The following CCDC85A variants were observed in gnomAD, a reference collection of about 807,000 sequenced individuals.
CCDC85A encodes the protein coiled-coil domain-containing protein 85A.
Under a neutral mutation model 50.2 loss-of-function variants are expected in CCDC85A, and 38 were observed. The ratio of observed to expected loss-of-function variants is 0.76; its 90% confidence interval spans 0.58 to 0.99. The LOEUF is 0.99. Among genes scored for constraint, CCDC85A ranks in the 50% least tolerant of loss-of-function variants. The pLI is 0.00. For missense variants in CCDC85A, 820 were observed against 742.0 expected, an observed-to-expected ratio of 1.11 and a Z score of -1.22; for synonymous variants, 366 against 301.4, an observed-to-expected ratio of 1.21 and a Z score of -2.22.
At chr2:56,297,988 G>T (rs1223900741) in intron 2 of CCDC85A, among the ~76,000 whole-genome samples, 1 of 152,154 alleles carries the variant, frequency 6.6e-6, no homozygotes, top group Non-Finnish European at 1.5e-5. Flanking sequence ...AATGGTTACA[G>T]CTATGATTCC....
chr2:56,200,029 T>C (rs1254827388), intron 2 of CCDC85A, among the ~76,000 whole-genome samples: 4 of 152,124 alleles, frequency 2.6e-5, no homozygotes, highest in African/African-American at 9.7e-5. Context: ...CCACCACGCC[T>C]AGCTAATTTT....
At position 56,376,027 on chromosome 2, in the gene CCDC85A, C is replaced by G; in HGVS notation, c.1572+92C>G. ...AGTAGTCCTCACAGTCTTGCTTGAA[C>G]CATAGATATTTTATTTTTTGACTCC... On this transcript the variant is annotated intron_variant, in intron 5 of 5. Coordinates refer to ENST00000407595, the MANE Select transcript of CCDC85A (RefSeq NM_001080433.2). 4 of 1,339,056 alleles carry G rather than the reference C, an allele frequency of 3.0e-6. No homozygotes were observed. In the South Asian group the frequency reaches 5.3e-5, roughly 18 times the overall value. The allele number at this position is 1,339,056 out of a possible 1,614,324, so 82.9% of individuals were successfully genotyped here.
intron 2 of CCDC85A, among the ~76,000 whole-genome samples, chr2:56,271,838 C>T (rs761077070): frequency 1.1e-4 from 16 of 152,044 alleles, no homozygotes; most frequent in Admixed American, 9.8e-4. Context: ...CTTGGCTAGT[C>T]GTATCAGTAG....
At chr2:56,321,360 T>A (rs925488326) in intron 2 of CCDC85A, among the ~76,000 whole-genome samples, 4 of 152,212 alleles carry the variant, frequency 2.6e-5, no homozygotes, top group African/African-American at 9.6e-5. Context: ...TGTCCCTGTT[T>A]GCAGATGACG....
chr2:56,274,667 A>T (rs1281760760), intron 2 of CCDC85A, among the ~76,000 whole-genome samples: 2 of 152,204 alleles, frequency 1.3e-5, no homozygotes, highest in Non-Finnish European at 2.9e-5. Flanking sequence ...TCACCAAATG[A>T]CCGGGCACCG....
intron 2 of CCDC85A, among the ~76,000 whole-genome samples, chr2:56,250,812 G>T (rs1241782042): frequency 6.6e-6 from 1 of 152,142 alleles, no homozygotes; most frequent in East Asian, 1.9e-4. Context: ...TTGAACTAGA[G>T]CAAATTGGGG....
At chr2:56,306,415 G>T (rs10198922) in intron 2 of CCDC85A, among the ~76,000 whole-genome samples, 1 of 151,902 alleles carries the variant, frequency 6.6e-6, no homozygotes, top group Non-Finnish European at 1.5e-5. Flanking sequence ...GGTGTAAGCC[G>T]CTGTGCCTGG....
At chr2:56,363,280 A>C (rs1675627213) in intron 3 of CCDC85A, among the ~76,000 whole-genome samples, 1 of 151,920 alleles carries the variant, frequency 6.6e-6, no homozygotes, top group Non-Finnish European at 1.5e-5. Flanking sequence ...CCTGCCAGAG[A>C]TATTACTACT....
At chr2:56,207,695 C>G (rs773887924) in intron 2 of CCDC85A, among the ~76,000 whole-genome samples, 10 of 152,120 alleles carry the variant, frequency 6.6e-5, no homozygotes, top group Non-Finnish European at 1.3e-4. Context: ...GTTTCTCCTC[C>G]TTCATGTCCA....
At chr2:56,312,094 C>T (rs150194351) in intron 2 of CCDC85A, among the ~76,000 whole-genome samples, 1 of 151,932 alleles carries the variant, frequency 6.6e-6, no homozygotes, top group South Asian at 2.1e-4. Context: ...TTGAATGAAG[C>T]GAAGGATAAG....
At chr2:56,245,039 AG>A (rs1669438681) in intron 2 of CCDC85A, among the ~76,000 whole-genome samples, 1 of 152,106 alleles carries the variant, frequency 6.6e-6, no homozygotes, top group African/African-American at 2.4e-5. Context: ...GTGCTTGTAG[AG>A]GGGTGACAGA....
At chr2:56,201,710 G>A (rs539649351) in intron 2 of CCDC85A, among the ~76,000 whole-genome samples, 1 of 152,156 alleles carries the variant, frequency 6.6e-6, no homozygotes, top group Admixed American at 6.5e-5. Flanking sequence ...ATTTATATAT[G>A]CATATATTGA....
intron 2 of CCDC85A, among the ~76,000 whole-genome samples, chr2:56,213,404 G>A (rs1262177926): frequency 6.6e-6 from 1 of 151,892 alleles, no homozygotes; most frequent in Non-Finnish European, 1.5e-5. Context: ...AATGGTTTGG[G>A]TGGCAAGGTG....
chr2:56,386,082 G>A lies in CCDC85A; in HGVS notation c.*1727G>A, dbSNP rs1413638143. On this transcript the variant is annotated 3_prime_UTR_variant, in exon 6 of 6. Coordinates refer to ENST00000407595, the MANE Select transcript of CCDC85A (RefSeq NM_001080433.2). Reference sequence around the variant, plus strand: ...ATAAACTTGTGTAAATTTTGATACTGTATTAAAACTATTTTTTTAAAGTTC... The same window carrying A: ...ATAAACTTGTGTAAATTTTGATACTATATTAAAACTATTTTTTTAAAGTTC... 6.6e-6 allele frequency: 1 copy of A among 152,152 alleles called. No individual in the cohort carries two copies. Among genetic ancestry groups the A allele is most frequent in the Non-Finnish European group, 1.5e-5 (1 of 67,818 alleles). 9.4% of individuals were successfully genotyped at this position (152,152 alleles called of 1,614,324 possible).
chr2:56,318,582 C>G (rs143070114), intron 2 of CCDC85A, among the ~76,000 whole-genome samples: 1 of 151,984 alleles, frequency 6.6e-6, no homozygotes, highest in Non-Finnish European at 1.5e-5. Context: ...CTGGAACATT[C>G]AAATATTTAT....
chr2:56,192,497 G>A lies in CCDC85A; in HGVS notation c.297G>A (p.Gln99=). 6.2e-7 allele frequency: 1 copy of A among 1,612,240 alleles called. No individual in the cohort carries two copies. The highest frequency in any genetic ancestry group is 2.2e-5 in the East Asian group (1 of 44,840). The change falls in exon 2 of 6, where the codon CAG becomes CAA. Residue 99 remains glutamine (Q), a synonymous_variant. Transcript: ENST00000407595. The surrounding 1 kb of genome is among the most constrained non-coding windows in gnomAD (Gnocchi z 4.7). ...RGLKDINQKL[Q]EDNQELRDLC... is the part of the protein sequence containing the mutation. ...TTCAGGATATCAACCAGAAACTCCA[G>A]GAAGACAACCAGGAACTGAGGGACC...
intron 2 of CCDC85A, among the ~76,000 whole-genome samples, chr2:56,331,588 T>C (rs1293524939): frequency 6.6e-6 from 1 of 152,196 alleles, no homozygotes; most frequent in Admixed American, 6.5e-5. Context: ...TGAACACGTT[T>C]ATGGTGATTA....
chr2:56,284,739 T>C (rs1671355145), intron 2 of CCDC85A, among the ~76,000 whole-genome samples: 1 of 152,210 alleles, frequency 6.6e-6, no homozygotes, highest in Non-Finnish European at 1.5e-5. Flanking sequence ...CCTTTAGTTC[T>C]ATCAGCTTCT....
In CCDC85A at chr2:56,385,682, A is replaced by G. The variant is rs1475650645; in HGVS notation, c.*1327A>G. On this transcript the variant is annotated 3_prime_UTR_variant, in exon 6 of 6. Transcript: ENST00000407595. ...AGATATTCTCTGTTGTTGTTGTTTT[A>G]GATGGGCTCATTACATAACGAGTTA... The G allele has an allele frequency of 6.6e-6, 1 of 152,012 alleles. No homozygotes were observed. Among genetic ancestry groups the G allele is most frequent in the East Asian group, 1.9e-4 (1 of 5,166 alleles). 9.4% of individuals were successfully genotyped at this position (152,012 alleles called of 1,614,324 possible). A position where few individuals can be genotyped will look rare whatever the true frequency, so the allele number is the denominator to read the frequency against.
Sources: gnomAD v4.1 joint callset for allele counts (sites outside exome capture counted in the v4.1 genomes callset) on GRCh38, gnomAD v4.1.1 for gene constraint, Gnocchi (gnomAD v3.1) non-coding constraint, MANE v1.5 for transcripts, NCBI Gene and HGNC (gene_info 2026-07-23, HGNC 2026-07-21) for gene names.